Variants in CAMTA1 observed in about 807,000 individuals in gnomAD.
CAMTA1 encodes calmodulin-binding transcription activator 1.
CAMTA1 carries 27 observed loss-of-function variants against 170.9 expected under a neutral mutation model. The observed-to-expected ratio is 0.16, with a 90% CI of 0.12 to 0.22. The LOEUF is 0.22. Among genes scored for constraint, CAMTA1 ranks in the 10% least tolerant of loss-of-function variants. The probability of loss-of-function intolerance (pLI) is 1.00; values close to 1 mark genes in which losing one functional copy is unlikely to be tolerated. For missense variants in CAMTA1, 1,619 were observed against 2,217.2 expected, an observed-to-expected ratio of 0.73 and a Z score of 5.42; for synonymous variants, 833 against 891.5, an observed-to-expected ratio of 0.93 and a Z score of 1.17.
intron 3 of CAMTA1, among the ~76,000 whole-genome samples, chr1:6,982,168 T>C (rs1694547758): frequency 1.3e-5 from 2 of 152,236 alleles, no homozygotes; most frequent in Admixed American, 1.3e-4. Flanking sequence ...CTAGAGCACA[T>C]GCTGCTTCTC....
intron 4 of CAMTA1, among the ~76,000 whole-genome samples, chr1:7,122,812 G>A (rs1450378518): frequency 2.6e-5 from 4 of 152,080 alleles, no homozygotes; most frequent in African/African-American, 9.7e-5. Context: ...GGTGTCGCCC[G>A]AGTCTCCTCT....
chr1:6,800,229 G>T (rs753068687), intron 1 of CAMTA1, among the ~76,000 whole-genome samples: 9 of 152,016 alleles, frequency 5.9e-5, no homozygotes, highest in Non-Finnish European at 1.0e-4. Context: ...AACATAGTGA[G>T]ACCTTGTCTC....
intron 4 of CAMTA1, among the ~76,000 whole-genome samples, chr1:7,124,667 G>A (rs998636683): frequency 3.3e-5 from 5 of 152,334 alleles, no homozygotes; most frequent in East Asian, 3.9e-4. Context: ...GTCAGGAAAC[G>A]TTAAGCAGAT....
intron 4 of CAMTA1, among the ~76,000 whole-genome samples, chr1:7,202,790 C>T (rs534444566): frequency 1.3e-5 from 2 of 152,202 alleles, no homozygotes; most frequent in South Asian, 2.1e-4. Flanking sequence ...GTGGATTCCT[C>T]ACGATTTTCT....
At chr1:7,323,580 T>C (rs1333939578) in intron 5 of CAMTA1, among the ~76,000 whole-genome samples, 3 of 143,366 alleles carry the variant, frequency 2.1e-5, no homozygotes, top group Non-Finnish European at 4.5e-5. Flanking sequence ...TGGAGTGTAG[T>C]GGCACGATCT....
intron 3 of CAMTA1, among the ~76,000 whole-genome samples, chr1:6,930,807 C>T (rs1399647947): frequency 6.6e-6 from 1 of 152,202 alleles, no homozygotes; most frequent in Non-Finnish European, 1.5e-5. Context: ...AGGCTCAGCC[C>T]CTGCTCTGGA....
chr1:6,923,301 C>T (rs930927956), intron 3 of CAMTA1, among the ~76,000 whole-genome samples: 4 of 152,130 alleles, frequency 2.6e-5, no homozygotes, highest in Non-Finnish European at 5.9e-5. Flanking sequence ...TGATCCAATT[C>T]GGGTCATCCC....
chr1:7,501,633 T>C (rs1040282396), intron 6 of CAMTA1, among the ~76,000 whole-genome samples: 24 of 151,542 alleles, frequency 1.6e-4, no homozygotes, highest in African/African-American at 5.8e-4. Flanking sequence ...TTTTTTATTT[T>C]AGTCTAGGTA....
intron 3 of CAMTA1, among the ~76,000 whole-genome samples, chr1:7,086,480 G>A (rs777491185): frequency 4.6e-5 from 7 of 152,048 alleles, no homozygotes; most frequent in Admixed American, 3.3e-4. Flanking sequence ...GTGGTCATTA[G>A]TACATTCATG....
intron 6 of CAMTA1, among the ~76,000 whole-genome samples, chr1:7,574,292 C>A (rs1016573449): frequency 3.3e-5 from 5 of 152,132 alleles, no homozygotes; most frequent in Admixed American, 2.6e-4. Flanking sequence ...GCAGACACTG[C>A]CAGGCGTTAT....
chr1:7,025,462 TG>T (rs1392754208), intron 3 of CAMTA1, among the ~76,000 whole-genome samples: 1 of 152,164 alleles, frequency 6.6e-6, no homozygotes, highest in African/African-American at 2.4e-5. Flanking sequence ...CACCTATTTC[TG>T]GGGTCCATCT....
chr1:7,690,766 C>T (rs1476796903), intron 11 of CAMTA1, among the ~76,000 whole-genome samples: 1 of 152,230 alleles, frequency 6.6e-6, no homozygotes, highest in Non-Finnish European at 1.5e-5. Flanking sequence ...GATGGGGATG[C>T]TCAGACAACA....
chr1:6,837,748 G>A (rs1247103104), intron 3 of CAMTA1, among the ~76,000 whole-genome samples: 1 of 152,120 alleles, frequency 6.6e-6, no homozygotes, highest in East Asian at 1.9e-4. Context: ...TTTTATTTAA[G>A]AAGCATTTTT....
intron 5 of CAMTA1, among the ~76,000 whole-genome samples, chr1:7,371,373 C>T (rs900159092): frequency 2.0e-5 from 3 of 152,196 alleles, no homozygotes; most frequent in African/African-American, 7.2e-5. Flanking sequence ...TATCTTGCCT[C>T]AGCCTCCTGA....
chr1:7,389,629 G>A (rs190690957), intron 5 of CAMTA1: 2 of 152,460 alleles, frequency 1.3e-5, no homozygotes, highest in East Asian at 3.8e-4. Flanking sequence ...AGTGGGGGCA[G>A]GTGGTGGGTG....
chr1:7,465,660 G>A (rs896868535), intron 5 of CAMTA1, among the ~76,000 whole-genome samples: 2 of 152,168 alleles, frequency 1.3e-5, no homozygotes, highest in Non-Finnish European at 2.9e-5. Flanking sequence ...ATGGTTCTGG[G>A]GCAGTTGTGG....
At chr1:7,264,306 A>G (rs1269098172) in intron 5 of CAMTA1, among the ~76,000 whole-genome samples, 1 of 152,180 alleles carries the variant, frequency 6.6e-6, no homozygotes, top group Non-Finnish European at 1.5e-5. Flanking sequence ...AAGTGAAGTC[A>G]GTTGTATTCT....
At chr1:7,141,250 C>CTTGCCAGG (rs1645872209) in intron 4 of CAMTA1, among the ~76,000 whole-genome samples, 1 of 152,192 alleles carries the variant, frequency 6.6e-6, no homozygotes, top group South Asian at 2.1e-4. Context: ...CTCTTCCTGA[C>CTTGCCAGG]TTGCCAGGTG....
intron 3 of CAMTA1, among the ~76,000 whole-genome samples, chr1:6,993,715 T>A (rs2100484702): frequency 6.6e-6 from 1 of 152,322 alleles, no homozygotes; most frequent in Non-Finnish European, 1.5e-5. Context: ...TATGTTTTTT[T>A]ATCTATTGCT....
Sources: gnomAD v4.1 joint callset for allele counts (sites outside exome capture counted in the v4.1 genomes callset) on GRCh38, gnomAD v4.1.1 for gene constraint, MANE v1.5 for transcripts, NCBI Gene and HGNC (gene_info 2026-07-23, HGNC 2026-07-21) for gene names.